The following TMEM217 variants were observed in gnomAD, a reference collection of about 807,000 sequenced individuals.
The protein encoded by TMEM217 is transmembrane protein 217.
For synonymous variants in TMEM217, 76 were observed against 88.3 expected, an observed-to-expected ratio of 0.86 and a Z score of 0.78; for missense variants, 204 against 248.8, an observed-to-expected ratio of 0.82 and a Z score of 1.21.
chr6:37,255,288 A>G (rs927608344), intron 1 of TMEM217, among the ~76,000 whole-genome samples: 1 of 152,202 alleles, frequency 6.6e-6, no homozygotes, highest in Non-Finnish European at 1.5e-5. Context: ...GAGCCAAGTC[A>G]TGTAGGGTCT....
exon 1 of TMEM217, chr6:37,258,024 A>T (rs746398852): frequency 6.3e-7 from 1 of 1,593,566 alleles, no homozygotes; most frequent in Non-Finnish European, 8.6e-7. Context: ...ACCCTTCCAG[A>T]TCCTAATCCC....
chr6:37,242,534 C>G (rs1764820862), intron 1 of TMEM217, among the ~76,000 whole-genome samples: 1 of 152,172 alleles, frequency 6.6e-6, no homozygotes, highest in South Asian at 2.1e-4. Flanking sequence ...GCCTGTCATG[C>G]TTTGGTGGTG....
chr6:37,222,321 C>A (rs1002226583), intron 1 of TMEM217, among the ~76,000 whole-genome samples: 2 of 152,172 alleles, frequency 1.3e-5, no homozygotes, highest in African/African-American at 4.8e-5. Context: ...CATCCATGGC[C>A]CCCCCAGGGC....
rs140376216 is a variant in TMEM217, at chr6:37,255,605, G to T, written c.-12+1963C>A. On this transcript the variant is annotated intron_variant, in intron 1 of 1. Coordinates refer to ENST00000357219, the Ensembl canonical transcript of TMEM217. ...AGGCTGATGTGGGAGGATTGCTTGA[G>T]CCCAGGAGATGGAGGTTGTAGTGTG... is the stretch of plus-strand genomic sequence containing the variant. 5.1e-4 allele frequency among the ~76,000 whole-genome samples: 77 copies of T among 151,866 alleles called. 1 individual carries two copies. The East Asian group carries it at 0.015, about 29-fold the overall frequency.
intron 1 of TMEM217, among the ~76,000 whole-genome samples, chr6:37,233,031 C>G (rs1251595850): frequency 6.6e-6 from 1 of 152,208 alleles, no homozygotes; most frequent in Non-Finnish European, 1.5e-5. Flanking sequence ...GTCCACTACA[C>G]TGGTGACTCC....
chr6:37,212,581 A>T, exon 4 of TMEM217: 1 of 470,702 alleles, frequency 2.1e-6, no homozygotes, highest in Non-Finnish European at 4.2e-6. Context: ...GTGCAGGAGC[A>T]TGTGTGAGAT....
chr6:37,243,089 A>G (rs1270101628), intron 1 of TMEM217, among the ~76,000 whole-genome samples: 1 of 152,152 alleles, frequency 6.6e-6, no homozygotes, highest in African/African-American at 2.4e-5. Context: ...CTGTGAACAC[A>G]GTTGCCCTGC....
intron 1 of TMEM217, among the ~76,000 whole-genome samples, chr6:37,226,308 T>C (rs1341631640): frequency 1.7e-5 from 2 of 118,920 alleles, no homozygotes; most frequent in Admixed American, 8.7e-5. Context: ...TTTTTTTTTT[T>C]TTGAGACAGA....
chr6:37,230,272 C>A (rs1232358923), intron 1 of TMEM217, among the ~76,000 whole-genome samples: 1 of 152,238 alleles, frequency 6.6e-6, no homozygotes, highest in Non-Finnish European at 1.5e-5. Context: ...CCAAGATAAT[C>A]TCTTTACCTT....
At chr6:37,242,282 G>GC (rs1764806766) in intron 1 of TMEM217, among the ~76,000 whole-genome samples, 1 of 152,120 alleles carries the variant, frequency 6.6e-6, no homozygotes, top group South Asian at 2.1e-4. Context: ...TCAAACACAG[G>GC]CCCCCACGGT....
intron 1 of TMEM217, among the ~76,000 whole-genome samples, chr6:37,244,665 G>A (rs1226113244): frequency 2.0e-5 from 3 of 152,166 alleles, no homozygotes; most frequent in East Asian, 1.9e-4. Flanking sequence ...TGTGTTGGCC[G>A]TATATTGTCA....
At chr6:37,232,857 C>T (rs1260508706) in intron 1 of TMEM217, among the ~76,000 whole-genome samples, 1 of 152,186 alleles carries the variant, frequency 6.6e-6, no homozygotes, top group African/African-American at 2.4e-5. Flanking sequence ...TTTCTCTCAC[C>T]TGTCTGGCAA....
chr6:37,235,659 C>A (rs1475828602), intron 1 of TMEM217, among the ~76,000 whole-genome samples: 1 of 152,184 alleles, frequency 6.6e-6, no homozygotes, highest in Non-Finnish European at 1.5e-5. Context: ...AGCCACCACG[C>A]CTGGCCTAAT....
At chr6:37,216,634 C>T (rs952909756), downstream of TMEM217, among the ~76,000 whole-genome samples, 3 of 152,048 alleles carry the variant, frequency 2.0e-5, no homozygotes, top group Non-Finnish European at 4.4e-5. Context: ...AGGATGGGAG[C>T]GGGGAAGACA....
exon 1 of TMEM217, chr6:37,257,956 C>T (rs1447570173): frequency 1.9e-6 from 3 of 1,613,946 alleles, no homozygotes; most frequent in African/African-American, 1.3e-5. Flanking sequence ...GGAAGAGGAG[C>T]GCTAAGCTGC....
downstream of TMEM217, chr6:37,215,158 G>A: frequency 6.2e-7 from 1 of 1,605,062 alleles, no homozygotes; most frequent in Non-Finnish European, 8.5e-7. Context: ...TCTGCCGCTA[G>A]CCAAGGTCCT....
intron 1 of TMEM217, among the ~76,000 whole-genome samples, chr6:37,252,106 C>T (rs957571479): frequency 3.9e-5 from 6 of 152,098 alleles, no homozygotes; most frequent in African/African-American, 1.2e-4. Context: ...TTGGTCAGGC[C>T]GGTCTCGAAC....
intron 1 of TMEM217, among the ~76,000 whole-genome samples, chr6:37,239,656 T>C (rs1764664663): frequency 1.3e-5 from 2 of 152,184 alleles, no homozygotes; most frequent in Admixed American, 6.5e-5. Context: ...TTATTTTCAA[T>C]TGCTCTCATC....
At chr6:37,244,980 C>T (rs993322419) in intron 1 of TMEM217, among the ~76,000 whole-genome samples, 12 of 152,174 alleles carry the variant, frequency 7.9e-5, no homozygotes, top group African/African-American at 2.4e-4. Context: ...ATCCAGCAGG[C>T]TAGCCTAGAC....
Sources: allele counts gnomAD v4.1 joint callset (sites outside exome capture counted in the v4.1 genomes callset), GRCh38; gene constraint gnomAD v4.1.1; transcripts MANE v1.5; gene names NCBI Gene and HGNC (gene_info 2026-07-23, HGNC 2026-07-21).